ARHGEF28: variants seen among roughly 807,000 people sequenced by gnomAD.
ARHGEF28 encodes the protein Rho guanine nucleotide exchange factor 28, also known as 190 kDa guanine nucleotide exchange factor.
Under a neutral mutation model 206.6 loss-of-function variants are expected in ARHGEF28, and 152 were observed. The observed-to-expected ratio is 0.74, with a 90% CI of 0.64 to 0.84. The LOEUF (loss-of-function observed/expected upper bound fraction) is 0.84, where lower values mean the gene tolerates loss of function less well. Among genes scored for constraint, ARHGEF28 ranks in the 40% least tolerant of loss-of-function variants. The pLI is 0.00. For synonymous variants in ARHGEF28, 763 were observed against 776.4 expected (o/e 0.98, Z 0.29); for missense variants, 2,028 against 2,073.2 (o/e 0.98, Z 0.42).
chr5:73,837,662 G>A (rs1158548011), intron 10 of ARHGEF28, among the ~76,000 whole-genome samples: 1 of 151,406 alleles, frequency 6.6e-6, no homozygotes, highest in African/African-American at 2.4e-5. Flanking sequence ...CAAAGATTTG[G>A]TAAATAAAAG....
intron 1 of ARHGEF28, among the ~76,000 whole-genome samples, chr5:73,677,237 G>C (rs1464503526): frequency 6.6e-6 from 1 of 152,082 alleles, no homozygotes; most frequent in Non-Finnish European, 1.5e-5. Context: ...AGATAGCATT[G>C]GCTTCTTCAT....
intron 25 of ARHGEF28, chr5:73,887,364 T>A (rs995437381): frequency 8.9e-6 from 3 of 337,806 alleles, no homozygotes; most frequent in African/African-American, 6.4e-5. Context: ...TCTTCTGTTT[T>A]GAAAGTGACT....
intron 12 of ARHGEF28, among the ~76,000 whole-genome samples, chr5:73,847,754 G>C (rs1758453436): frequency 6.6e-6 from 1 of 152,160 alleles, no homozygotes; most frequent in African/African-American, 2.4e-5. Context: ...AATTTTCAAA[G>C]TTCTATTGTC....
At chr5:73,789,076 A>G (rs1187327886) in intron 7 of ARHGEF28, among the ~76,000 whole-genome samples, 1 of 152,176 alleles carries the variant, frequency 6.6e-6, no homozygotes, top group African/African-American at 2.4e-5. Context: ...AAGAATGTTC[A>G]TTGCAGCATT....
intron 5 of ARHGEF28, among the ~76,000 whole-genome samples, chr5:73,776,230 A>T (rs919450456): frequency 2.6e-5 from 4 of 152,224 alleles, no homozygotes; most frequent in Admixed American, 2.6e-4. Context: ...ATGTTGAGGT[A>T]AAGTACTATG....
chr5:73,650,989 A>G (rs145477898), intron 1 of ARHGEF28, among the ~76,000 whole-genome samples: 1 of 152,370 alleles, frequency 6.6e-6, no homozygotes, highest in East Asian at 1.9e-4. Context: ...GGAGGAATTA[A>G]TAGTAGAAAC....
chr5:73,917,223 A>G (rs1763260705), intron 35 of ARHGEF28, among the ~76,000 whole-genome samples: 1 of 152,222 alleles, frequency 6.6e-6, no homozygotes, highest in African/African-American at 2.4e-5. Flanking sequence ...TACAATATCA[A>G]ATTATTATTC....
At chr5:73,931,223 C>T (rs1037503324) in intron 35 of ARHGEF28, among the ~76,000 whole-genome samples, 4 of 152,166 alleles carry the variant, frequency 2.6e-5, no homozygotes, top group African/African-American at 7.2e-5. Context: ...GATGCCTTTC[C>T]GATTCTGGGT....
intron 22 of ARHGEF28, among the ~76,000 whole-genome samples, chr5:73,879,721 C>T (rs1304439747): frequency 2.6e-5 from 4 of 152,164 alleles, no homozygotes; most frequent in African/African-American, 7.2e-5. Context: ...GTATCAGCAG[C>T]GGTGTCTGCA....
At chr5:73,796,112 T>A (rs1018986918) in intron 9 of ARHGEF28, among the ~76,000 whole-genome samples, 1 of 152,220 alleles carries the variant, frequency 6.6e-6, no homozygotes, top group Non-Finnish European at 1.5e-5. Context: ...CTTGAGTTAC[T>A]TAGAGGTGAA....
intron 12 of ARHGEF28, among the ~76,000 whole-genome samples, chr5:73,848,599 A>G (rs1314376999): frequency 1.3e-5 from 2 of 150,990 alleles, no homozygotes; most frequent in African/African-American, 4.9e-5. Context: ...TTAATATAGA[A>G]TTTTGTTAGA....
chr5:73,743,206 A>T (rs112062355), intron 2 of ARHGEF28, among the ~76,000 whole-genome samples: 6 of 152,328 alleles, frequency 3.9e-5, no homozygotes, highest in African/African-American at 1.4e-4. Context: ...TTAGTCTTAA[A>T]CATTTTAATT....
In ARHGEF28 at chr5:73,911,567, G is replaced by A; in HGVS notation, c.4940G>A (p.Cys1647Tyr). 1 of 1,595,096 alleles carries A rather than the reference G, an allele frequency of 6.3e-7. No homozygotes were observed. Among genetic ancestry groups the A allele is most frequent in the Non-Finnish European group, 8.6e-7 (1 of 1,169,276 alleles). The part of the protein sequence containing the change: ...LPFHESSKDS[C>Y]KNDLDTSHTE... ...TTCCATGAAAGCAGCAAGGATTCTTGTAAAAATGGTAATTAACACTTTAAA... is the reference window on the plus strand; with the variant it reads ...TTCCATGAAAGCAGCAAGGATTCTTATAAAAATGGTAATTAACACTTTAAA... Residue 1647 changes from cysteine (C) to tyrosine (Y), a missense_variant, in exon 35 of 36, where the codon TGT (cysteine) becomes TAT (tyrosine). Cys to Tyr is a radical substitution (Grantham distance 194, BLOSUM62 -2). Transcript: ENST00000513042.
Position 73,636,396 on chromosome 5 carries a change from T to C in ARHGEF28, c.-12+10074T>C, listed in dbSNP as rs1182052467. Among the ~76,000 whole-genome samples, 3 of 152,222 alleles carry C rather than the reference T, an allele frequency of 2.0e-5. No individual in the cohort carries two copies. The East Asian group carries it at 5.8e-4, about 29-fold the overall frequency. ...TGTTAACAGTAATTTGGATATTGTT[T>C]ATTAGAGGTTTTTTCGTATTAAAAA... On this transcript the variant is annotated intron_variant, in intron 1 of 35. Transcript: ENST00000513042.
chr5:73,777,516 A>C (rs529966442), intron 6 of ARHGEF28, among the ~76,000 whole-genome samples: 2 of 152,276 alleles, frequency 1.3e-5, no homozygotes, highest in South Asian at 4.1e-4. Context: ...CATTGGCCAC[A>C]GTTTCAGCTT....
intron 9 of ARHGEF28, among the ~76,000 whole-genome samples, chr5:73,825,634 C>G (rs965357949): frequency 6.6e-6 from 1 of 152,190 alleles, no homozygotes; most frequent in Non-Finnish European, 1.5e-5. Flanking sequence ...AGCAGAGAGA[C>G]TACTGTTGTA....
At chr5:73,813,697 C>G in intron 9 of ARHGEF28, 1 of 1,530,150 alleles carries the variant, frequency 6.5e-7, no homozygotes, top group East Asian at 2.4e-5. Context: ...TCTTTTCTTT[C>G]CTTCACGGGC....
intron 1 of ARHGEF28, among the ~76,000 whole-genome samples, chr5:73,627,577 A>G (rs1290602743): frequency 3.3e-5 from 5 of 152,182 alleles, no homozygotes; most frequent in Non-Finnish European, 7.3e-5. Context: ...GCACATGGGT[A>G]TTTGCCTAAT....
chr5:73,709,078 G>A (rs1419665860), intron 2 of ARHGEF28, among the ~76,000 whole-genome samples: 2 of 152,076 alleles, frequency 1.3e-5, no homozygotes, highest in Non-Finnish European at 2.9e-5. Flanking sequence ...GGCTGTATAG[G>A]TCAGCTCCTT....
Sources: allele counts gnomAD v4.1 joint callset (sites outside exome capture counted in the v4.1 genomes callset), GRCh38; gene constraint gnomAD v4.1.1; transcripts MANE v1.5; gene names NCBI Gene and HGNC (gene_info 2026-07-23, HGNC 2026-07-21).